Variants in RAD52 observed in about 807,000 individuals in gnomAD.
RAD52 encodes DNA repair protein RAD52 homolog.
Under a neutral mutation model 55.5 loss-of-function variants are expected in RAD52, and 47 were observed. The ratio of observed to expected loss-of-function variants is 0.85; its 90% CI spans 0.67 to 1.08. RAD52 has a LOEUF of 1.08. Among genes scored for constraint, RAD52 ranks in the 50% least tolerant of loss-of-function variants. RAD52 has a pLI of 0.00. For synonymous variants in RAD52, 184 were observed against 198.9 expected (o/e 0.92, Z 0.63); for missense variants, 468 against 522.8 (o/e 0.90, Z 1.02).
Position 916,542 on chromosome 12 carries a change from G to A in RAD52, c.726-59C>T, listed in dbSNP as rs1364801571. 3.1e-6 allele frequency: 5 copies of A among 1,603,770 alleles called. No homozygotes were observed. In the South Asian group the frequency reaches 5.5e-5, roughly 18 times the overall value. ...TGAGCAACAGCCGCGGCTGCTGGGA[G>A]GACACGCACGGCTGGCTGGCTCTGG... On this transcript the variant is annotated intron_variant, in intron 8 of 11. Coordinates refer to ENST00000358495, the MANE Select transcript of RAD52 (RefSeq NM_134424.4).
intron 1 of RAD52, among the ~76,000 whole-genome samples, chr12:969,062 A>G (rs1208083372): frequency 3.3e-5 from 5 of 152,090 alleles, no homozygotes; most frequent in African/African-American, 1.2e-4. Flanking sequence ...TATTCCCTAA[A>G]CAATACAGTA....
In RAD52 at chr12:916,532, G is replaced by A. The variant is rs745476543; in HGVS notation, c.726-49C>T. The A allele has an allele frequency of 1.9e-6, 3 of 1,605,558 alleles. No homozygotes were observed. The Admixed American group carries it at 5.0e-5, about 27-fold the overall frequency. ...GACGGGCTCCTGAGCAACAGCCGCG[G>A]CTGCTGGGAGGACACGCACGGCTGG... is the stretch of plus-strand genomic sequence containing the variant. On this transcript the variant is annotated intron_variant, in intron 8 of 11. Transcript: ENST00000358495.
chr12:943,702 G>A (rs911109201), intron 1 of RAD52, among the ~76,000 whole-genome samples: 1 of 151,118 alleles, frequency 6.6e-6, no homozygotes, highest in Admixed American at 6.6e-5. Context: ...AGGTCCCTGT[G>A]TTTCCCCATT....
At chr12:973,228 C>G (rs915345980) in intron 1 of RAD52, among the ~76,000 whole-genome samples, 8 of 151,970 alleles carry the variant, frequency 5.3e-5, no homozygotes, top group African/African-American at 1.9e-4. Flanking sequence ...CGCCACCACA[C>G]CCGGCTAAGT....
intron 1 of RAD52, chr12:936,829 C>A (rs1422619709): frequency 1.3e-5 from 2 of 152,210 alleles, no homozygotes; most frequent in Non-Finnish European, 2.9e-5. Flanking sequence ...ATCTTCTTGG[C>A]CTTGTGTGTC....
chr12:977,757 A>T (rs1040518394), intron 1 of RAD52, among the ~76,000 whole-genome samples: 1 of 152,216 alleles, frequency 6.6e-6, no homozygotes, highest in Non-Finnish European at 1.5e-5. Context: ...AGCTCAGGGA[A>T]CTAGTGTAAC....
At chr12:916,565 T>TG in intron 8 of RAD52, 74 bp downstream of exon 8, 2 of 1,599,494 alleles carry the variant, frequency 1.3e-6, no homozygotes, top group Non-Finnish European at 1.7e-6. Context: ...TGGCTGGCTC[T>TG]GGAGGCCTGA....
chr12:924,531 G>A (rs2154112311), intron 7 of RAD52, among the ~76,000 whole-genome samples: 1 of 152,302 alleles, frequency 6.6e-6, no homozygotes. Context: ...ATGAGGACAA[G>A]AATCCCTCAG....
chr12:917,919 G>A (rs1383473803), intron 7 of RAD52, among the ~76,000 whole-genome samples: 1 of 152,044 alleles, frequency 6.6e-6, no homozygotes, highest in Admixed American at 6.6e-5. Flanking sequence ...CAGCCTGGGC[G>A]ACAGAGCAAG....
At chr12:929,621 A>G (rs1193084120) in intron 5 of RAD52, 198 bp downstream of exon 5, 1 of 773,432 alleles carries the variant, frequency 1.3e-6, no homozygotes, top group Non-Finnish European at 2.4e-6. Context: ...CAGCTTGAAC[A>G]TGTGCAAGAG....
At chr12:934,115 A>C (rs1005179656) in intron 1 of RAD52, among the ~76,000 whole-genome samples, 1 of 151,048 alleles carries the variant, frequency 6.6e-6, no homozygotes, top group Non-Finnish European at 1.5e-5. Flanking sequence ...AAAAAAAAAA[A>C]AAACAAAAAA....
rs1719114500 is a variant in RAD52, at chr12:929,833, TCA to T, written c.332_333del (p.Val111GlufsTer11). 1.2e-6 allele frequency: 2 copies of T among 1,613,844 alleles called. No homozygotes were observed. The highest frequency in any genetic ancestry group is 1.7e-6 in the Non-Finnish European group (2 of 1,179,820). ...CATCCCCTCACCTTCAGCTGGACCCTCACAAATGCACAGACTCCCACGTAGAA... is the reference window on the plus strand; with the variant it reads ...CATCCCCTCACCTTCAGCTGGACCCTCAAATGCACAGACTCCCACGTAGAA... ...GKFYVGVCAF[V>X]RVQLKDGSYH... On this transcript the variant is annotated frameshift_variant, in exon 5 of 12. Coordinates refer to ENST00000358495, the MANE Select transcript of RAD52 (RefSeq NM_134424.4). LOFTEE classifies it high-confidence loss of function.
chr12:972,019 A>T (rs1406566710), intron 1 of RAD52, among the ~76,000 whole-genome samples: 1 of 152,206 alleles, frequency 6.6e-6, no homozygotes, highest in East Asian at 1.9e-4. Context: ...AAGTACCTTT[A>T]CCTTTTGATT....
intron 1 of RAD52, chr12:975,104 C>T (rs139490359): frequency 3.9e-5 from 6 of 152,074 alleles, no homozygotes; most frequent in African/African-American, 1.2e-4. Context: ...TCTCTTACTC[C>T]GCCTAATTTA....
chr12:927,169 G>C lies in RAD52; in HGVS notation c.443C>G (p.Thr148Arg), dbSNP rs745805897. ...CCTGAGGGCTCGCTTCAGCCCGTCT[G>C]TCACCGCCTCCTTCCTTGCCTTCTC... is the stretch of plus-strand genomic sequence containing the variant. The part of the protein sequence containing the change: ...SLEKARKEAV[T>R]DGLKRALRSF... Residue 148 changes from threonine (T) to arginine (R), a missense_variant, in exon 6 of 12, where the codon ACA becomes AGA. Transcript: ENST00000358495. 6.2e-7 allele frequency: 1 copy of C among 1,614,136 alleles called. No homozygotes were observed. Among genetic ancestry groups the C allele is most frequent in the Non-Finnish European group, 8.5e-7 (1 of 1,180,004 alleles).
At chr12:916,878 T>A (rs1956419873) in intron 7 of RAD52, 58 bp from the exon 8 acceptor site, 1 of 1,558,590 alleles carries the variant, frequency 6.4e-7, no homozygotes, top group Admixed American at 1.8e-5. Context: ...CCGCTGCTTC[T>A]CCCTGACTCA....
At chr12:971,369 T>A (rs1958848902) in intron 1 of RAD52, among the ~76,000 whole-genome samples, 1 of 151,960 alleles carries the variant, frequency 6.6e-6, no homozygotes, top group East Asian at 1.9e-4. Flanking sequence ...AACTAAGATA[T>A]AAAGATAAGC....
At chr12:990,733 G>A (rs1303612186), upstream of RAD52, 5 of 152,238 alleles carry the variant, frequency 3.3e-5, no homozygotes, top group Admixed American at 3.3e-4. Flanking sequence ...GTCGATCCCG[G>A]CGCTGCTCCC....
At chr12:935,838 A>G (rs1805243892) in intron 1 of RAD52, among the ~76,000 whole-genome samples, 1 of 150,614 alleles carries the variant, frequency 6.6e-6, no homozygotes, top group South Asian at 2.1e-4. Context: ...GGGAAACAAG[A>G]GTGAAACTCC....
Sources: gnomAD v4.1 joint callset for allele counts (sites outside exome capture counted in the v4.1 genomes callset) on GRCh38, gnomAD v4.1.1 for gene constraint, MANE v1.5 for transcripts, NCBI Gene and HGNC (gene_info 2026-07-23, HGNC 2026-07-21) for gene names.